Variants in PSEN1 observed in about 807,000 individuals in gnomAD.
PSEN1 encodes the protein presenilin 1, also known as presenilin-1.
PSEN1 carries 15 observed loss-of-function variants against 53.5 expected under a neutral mutation model. The observed-to-expected ratio is 0.28, with a 90% CI of 0.19 to 0.43. The LOEUF (loss-of-function observed/expected upper bound fraction) is 0.43, where lower values mean the gene tolerates loss of function less well. Ranked by LOEUF, PSEN1 falls within the 20% of genes least tolerant of loss-of-function variation. PSEN1 has a pLI of 1.00. For missense variants in PSEN1, 387 were observed against 571.2 expected (o/e 0.68, Z 3.29); for synonymous variants, 208 against 209.8 (o/e 0.99, Z 0.08).
At chr14:73,217,278 C>G (rs374805610) in intron 11 of PSEN1, 34 bp downstream of exon 11, 1 of 1,612,354 alleles carries the variant, frequency 6.2e-7, no homozygotes, top group Admixed American at 1.7e-5. Flanking sequence ...TGTCAGAGCT[C>G]TTAATGTCAA....
chr14:73,198,013 A>G lies in PSEN1; in HGVS notation c.770-18A>G. ...CCATACATTTTATTAGATGTCTTTTATGTTTTTCTTTTTCTAGATTTAGTG... is the reference window on the plus strand; with the variant it reads ...CCATACATTTTATTAGATGTCTTTTGTGTTTTTCTTTTTCTAGATTTAGTG... On this transcript the variant is annotated intron_variant, in intron 7 of 11. Transcript: ENST00000324501. 14 of 1,450,216 alleles carry G rather than the reference A, an allele frequency of 9.7e-6. No individual in the cohort carries two copies. Among genetic ancestry groups the G allele is most frequent in the Non-Finnish European group, 1.2e-5 (12 of 1,032,354 alleles). The allele number at this position is 1,450,216 out of a possible 1,614,324, so 89.8% of individuals were successfully genotyped here.
Position 73,211,957 on chromosome 14 carries a change from C to T in PSEN1, c.1129+15C>T. 6.2e-7 allele frequency: 1 copy of T among 1,613,444 alleles called. No individual in the cohort carries two copies. The highest frequency in any genetic ancestry group is 8.5e-7 in the Non-Finnish European group (1 of 1,179,656). On this transcript the variant is annotated intron_variant, in intron 10 of 11. Transcript: ENST00000324501. Reference sequence around the variant, plus strand: ...CCCAGAGGAAAGTATGTGCATTTCTCTATGTTGCAAAGTCATGGATTCCTT... The same window carrying T: ...CCCAGAGGAAAGTATGTGCATTTCTTTATGTTGCAAAGTCATGGATTCCTT...
intron 6 of PSEN1, 60 bp downstream of exon 6, chr14:73,186,980 A>G (rs1456372109): frequency 7.6e-6 from 10 of 1,312,588 alleles, no homozygotes; most frequent in Non-Finnish European, 1.1e-5. Context: ...CTGTGTAGCT[A>G]TCATTTAAAG....
intron 3 of PSEN1, among the ~76,000 whole-genome samples, chr14:73,150,922 G>C (rs1444687743): frequency 3.9e-5 from 6 of 151,934 alleles, no homozygotes; most frequent in African/African-American, 1.2e-4. Flanking sequence ...ACAAAAATTA[G>C]CTGGGCGTGG....
At chr14:73,184,507 C>T (rs1200654831) in intron 5 of PSEN1, among the ~76,000 whole-genome samples, 14 of 122,700 alleles carry the variant, frequency 1.1e-4, no homozygotes, top group African/African-American at 3.5e-4. Flanking sequence ...GGCGGCTGGC[C>T]GGGCGGGGGG....
At chr14:73,199,469 C>G (rs564306044) in intron 8 of PSEN1, among the ~76,000 whole-genome samples, 6 of 152,190 alleles carry the variant, frequency 3.9e-5, no homozygotes, top group Non-Finnish European at 8.8e-5. Context: ...CATGAAATGG[C>G]TGCATAGTGT....
chr14:73,160,664 A>G (rs145370761), intron 3 of PSEN1, among the ~76,000 whole-genome samples: 283 of 151,802 alleles, frequency 1.9e-3, no homozygotes, highest in African/African-American at 6.4e-3. Context: ...TTTTCCCCCC[A>G]TATTACACAG....
intron 10 of PSEN1, among the ~76,000 whole-genome samples, chr14:73,212,149 T>TCGC (rs1168082921): frequency 1.5e-5 from 2 of 131,422 alleles, no homozygotes; most frequent in African/African-American, 2.9e-5. Flanking sequence ...TCTCGCTCTG[T>TCGC]CGCCAGGTTG....
chr14:73,166,803 TA>T (rs1269638248), intron 3 of PSEN1, among the ~76,000 whole-genome samples: 1 of 152,232 alleles, frequency 6.6e-6, no homozygotes, highest in East Asian at 1.9e-4. Flanking sequence ...TTCTACCTTT[TA>T]TGCTTTAGAA....
intron 5 of PSEN1, among the ~76,000 whole-genome samples, chr14:73,176,297 T>G (rs1898045461): frequency 6.6e-6 from 1 of 152,256 alleles, no homozygotes; most frequent in African/African-American, 2.4e-5. Flanking sequence ...CTTTTCTTTA[T>G]CCCTTTTTTT....
At chr14:73,194,636 T>G (rs1373677141) in intron 7 of PSEN1, among the ~76,000 whole-genome samples, 1 of 151,036 alleles carries the variant, frequency 6.6e-6, no homozygotes, top group Non-Finnish European at 1.5e-5. Context: ...TGGCGTGATC[T>G]TGGCTCACTG....
chr14:73,160,773 T>G (rs529787423), intron 3 of PSEN1, among the ~76,000 whole-genome samples: 2 of 151,520 alleles, frequency 1.3e-5, no homozygotes, highest in African/African-American at 4.8e-5. Flanking sequence ...ATCTGATGAT[T>G]TGTTTTTTTC....
At chr14:73,143,197 A>G (rs1896974620) in intron 1 of PSEN1, among the ~76,000 whole-genome samples, 1 of 152,098 alleles carries the variant, frequency 6.6e-6, no homozygotes. Context: ...CTTTCTTTGT[A>G]CCAGTAGCGC....
chr14:73,143,988 TAAAA>T (rs530235019), intron 1 of PSEN1, among the ~76,000 whole-genome samples: 1,365 of 53,196 alleles, frequency 0.026, 47 homozygotes, highest in African/African-American at 0.11. Context: ...CCTTGTCTCT[TAAAA>T]AAAAAAAAAA....
At chr14:73,214,888 C>A (rs1189076536) in intron 10 of PSEN1, among the ~76,000 whole-genome samples, 1 of 152,100 alleles carries the variant, frequency 6.6e-6, no homozygotes, top group Non-Finnish European at 1.5e-5. Context: ...ACGATTATAC[C>A]TAGTGTCTTT....
intron 1 of PSEN1, among the ~76,000 whole-genome samples, chr14:73,143,275 C>T (rs1896977558): frequency 6.6e-6 from 1 of 152,198 alleles, no homozygotes; most frequent in Non-Finnish European, 1.5e-5. Flanking sequence ...ACCGAGCCCC[C>T]TGTAAAGAGC....
At chr14:73,162,473 GGA>G (rs371588222) in intron 3 of PSEN1, among the ~76,000 whole-genome samples, 25,217 of 145,138 alleles carry the variant, frequency 0.17, 2,175 homozygotes, top group South Asian at 0.2. Flanking sequence ...TCCATGAGAA[GGA>G]GAGAGAGAGA....
chr14:73,164,863 C>CGT (rs1555352233), intron 3 of PSEN1, among the ~76,000 whole-genome samples: 1 of 151,952 alleles, frequency 6.6e-6, no homozygotes, highest in Non-Finnish European at 1.5e-5. Flanking sequence ...CTTTTATTTT[C>CGT]ATATATATAT....
chr14:73,139,616 T>C (rs924146519), intron 1 of PSEN1, among the ~76,000 whole-genome samples: 1 of 152,094 alleles, frequency 6.6e-6, no homozygotes, highest in African/African-American at 2.4e-5. Context: ...AAGAAACAGA[T>C]GAAACCAATG....
Sources: allele counts gnomAD v4.1 joint callset (sites outside exome capture counted in the v4.1 genomes callset), GRCh38; gene constraint gnomAD v4.1.1; transcripts MANE v1.5; gene names NCBI Gene and HGNC (gene_info 2026-07-23, HGNC 2026-07-21).